Variants in GLIS1 observed in about 807,000 individuals in gnomAD.
GLIS1 encodes zinc finger protein GLIS1.
In GLIS1, 24 loss-of-function variants were observed where a neutral mutation model predicts 63.8. The ratio of observed to expected loss-of-function variants is 0.38; its 90% CI spans 0.27 to 0.53. GLIS1 has a LOEUF of 0.53. Among genes scored for constraint, GLIS1 ranks in the 20% least tolerant of loss-of-function variants. GLIS1 has a pLI of 0.85. For synonymous variants in GLIS1, 450 were observed against 482.5 expected, an observed-to-expected ratio of 0.93 and a Z score of 0.88; for missense variants, 1,036 against 1,074.1, an observed-to-expected ratio of 0.96 and a Z score of 0.50.
intron 4 of GLIS1, among the ~76,000 whole-genome samples, chr1:53,556,242 TGTGTGTGTGTGTGCAGGTGTACTGCAG>T (rs1557448529): frequency 2.3e-5 from 3 of 128,206 alleles, no homozygotes; most frequent in Admixed American, 7.8e-5. Flanking sequence ...GTACTGTAGG[TGTGTGTGTGTGTGCAGGTGTACTGCAG>T]GTGTGTGTGT....
intron 2 of GLIS1, among the ~76,000 whole-genome samples, chr1:53,622,149 C>T (rs533048873): frequency 2.6e-5 from 4 of 151,268 alleles, no homozygotes; most frequent in South Asian, 2.1e-4. Context: ...AAAGATATTC[C>T]GGGCACAGTG....
intron 2 of GLIS1, among the ~76,000 whole-genome samples, chr1:53,720,666 G>A (rs1040699265): frequency 6.6e-6 from 1 of 152,196 alleles, no homozygotes; most frequent in African/African-American, 2.4e-5. Context: ...GGGGGTGAAT[G>A]TTTGGGGTGA....
chr1:53,523,550 C>T (rs1287437891), intron 6 of GLIS1, among the ~76,000 whole-genome samples: 1 of 152,190 alleles, frequency 6.6e-6, no homozygotes, highest in Non-Finnish European at 1.5e-5. Context: ...CTCTGTCCTC[C>T]TCTGTCATGC....
intron 2 of GLIS1, among the ~76,000 whole-genome samples, chr1:53,716,801 G>A (rs1332582519): frequency 2.0e-5 from 3 of 152,036 alleles, no homozygotes; most frequent in Non-Finnish European, 4.4e-5. Context: ...GAAACCGGCA[G>A]TAGAGAAATT....
chr1:53,518,654 C>T (rs1465751183), intron 7 of GLIS1, among the ~76,000 whole-genome samples: 1 of 152,164 alleles, frequency 6.6e-6, no homozygotes, highest in Non-Finnish European at 1.5e-5. Flanking sequence ...AGAACAAGGG[C>T]AGTAGCTTCA....
chr1:53,666,657 A>G (rs144483203), intron 2 of GLIS1, among the ~76,000 whole-genome samples: 79 of 152,212 alleles, frequency 5.2e-4, no homozygotes, highest in African/African-American at 1.9e-3. Context: ...TTTCCCCAAA[A>G]CCACCAGAAA....
chr1:53,611,837 T>A lies in GLIS1; in HGVS notation c.260-11559A>T, dbSNP rs1033071216. On this transcript the variant is annotated intron_variant, in intron 2 of 10. Coordinates refer to ENST00000628545, the MANE Select transcript of GLIS1 (RefSeq NM_001367484.1). ...TTTATCAACTTCTTTTTTCTTTTTCTTCTTCCTCTTCTCAGAGACAGGGTC... is the reference window on the plus strand; with the variant it reads ...TTTATCAACTTCTTTTTTCTTTTTCATCTTCCTCTTCTCAGAGACAGGGTC... Among the ~76,000 whole-genome samples the A allele has an allele frequency of 2.6e-5, 4 of 152,178 alleles. No homozygotes were observed. The East Asian group carries it at 7.7e-4, about 29-fold the overall frequency.
intron 4 of GLIS1, 59 bp from the exon 5 acceptor site, chr1:53,530,011 G>A: frequency 1.3e-6 from 2 of 1,538,268 alleles, no homozygotes; most frequent in African/African-American, 1.4e-5. Flanking sequence ...ACCCTGCATG[G>A]AAACTAACCC....
rs925915135 is a variant in GLIS1, at chr1:53,598,013, C to T, written c.437+2088G>A. Among the ~76,000 whole-genome samples the T allele has an allele frequency of 1.3e-5, 2 of 152,176 alleles. No homozygotes were observed. The highest frequency in any genetic ancestry group is 1.3e-4 in the Admixed American group (2 of 15,288). The stretch of plus-strand genomic sequence containing the variant: ...AGGGAAATTGGGTACCACTGGGGAG[C>T]CTCCAGAGAAGAATCCAGCAGATAA... On this transcript the variant is annotated intron_variant, in intron 3 of 10. Coordinates refer to ENST00000628545, the MANE Select transcript of GLIS1 (RefSeq NM_001367484.1). The surrounding 1 kb of genome is among the most constrained non-coding windows in gnomAD (Gnocchi z 4.6).
chr1:53,530,550 G>C (rs1454752919), intron 4 of GLIS1, among the ~76,000 whole-genome samples: 1 of 152,206 alleles, frequency 6.6e-6, no homozygotes, highest in Non-Finnish European at 1.5e-5. Flanking sequence ...CAAGAGCCAC[G>C]TTTGTAAACT....
intron 10 of GLIS1, among the ~76,000 whole-genome samples, chr1:53,507,177 TC>T (rs1644243460): frequency 6.6e-6 from 1 of 152,060 alleles, no homozygotes. Flanking sequence ...TTCAGTTGTA[TC>T]CCCCAACCAG....
chr1:53,566,625 G>A (rs1000845259), intron 4 of GLIS1, among the ~76,000 whole-genome samples: 1 of 152,168 alleles, frequency 6.6e-6, no homozygotes, highest in Non-Finnish European at 1.5e-5. Flanking sequence ...TCGGGGGAAG[G>A]GCCTGGTGGG....
At chr1:53,595,908 T>C (rs1457575627) in intron 3 of GLIS1, among the ~76,000 whole-genome samples, 1 of 152,088 alleles carries the variant, frequency 6.6e-6, no homozygotes, top group Non-Finnish European at 1.5e-5. Flanking sequence ...CCTCACAATG[T>C]GACTGCATGA....
intron 7 of GLIS1, among the ~76,000 whole-genome samples, chr1:53,515,673 G>C (rs1031073243): frequency 2.6e-5 from 4 of 151,906 alleles, no homozygotes; most frequent in South Asian, 4.2e-4. Flanking sequence ...CCCAACTAGG[G>C]TTTGGAGTTA....
intron 2 of GLIS1, among the ~76,000 whole-genome samples, chr1:53,686,064 C>T (rs1489585415): frequency 2.0e-5 from 3 of 152,208 alleles, no homozygotes; most frequent in Non-Finnish European, 1.5e-5. Flanking sequence ...TCTCCACTCC[C>T]GCAGCCATGA....
At chr1:53,527,518 G>A (rs944466419) in intron 5 of GLIS1, among the ~76,000 whole-genome samples, 8 of 152,186 alleles carry the variant, frequency 5.3e-5, no homozygotes, top group Non-Finnish European at 1.0e-4. Flanking sequence ...GCTTTCCTCA[G>A]ACCTCCAGGA....
intron 2 of GLIS1, among the ~76,000 whole-genome samples, chr1:53,697,664 A>AG (rs1646480086): frequency 6.6e-6 from 1 of 151,732 alleles, no homozygotes; most frequent in South Asian, 2.1e-4. Context: ...CATCCATCAC[A>AG]CTCCTTCCAC....
chr1:53,551,091 C>A (rs952076327), intron 4 of GLIS1, among the ~76,000 whole-genome samples: 1 of 152,136 alleles, frequency 6.6e-6, no homozygotes, highest in Non-Finnish European at 1.5e-5. Flanking sequence ...AGGTAATCCG[C>A]CCACCTTGGC....
chr1:53,563,821 C>A lies in GLIS1; in HGVS notation c.1320+30287G>T, dbSNP rs149624264. Reference sequence around the variant, plus strand: ...GCAATAGACAGGAAACACAGACACCCATAAAAGAATGACGGAGACTGACAG... The same window carrying A: ...GCAATAGACAGGAAACACAGACACCAATAAAAGAATGACGGAGACTGACAG... On this transcript the variant is annotated intron_variant, in intron 4 of 10. Transcript: ENST00000628545. Among the ~76,000 whole-genome samples the A allele has an allele frequency of 5.0e-3, 763 of 152,264 alleles. 3 individuals carry two copies. The highest frequency in any genetic ancestry group is 9.0e-3 in the Non-Finnish European group (612 of 68,012).
Sources: allele counts gnomAD v4.1 joint callset (sites outside exome capture counted in the v4.1 genomes callset), GRCh38; gene constraint gnomAD v4.1.1; non-coding constraint Gnocchi (gnomAD v3.1); transcripts MANE v1.5; gene names NCBI Gene and HGNC (gene_info 2026-07-23, HGNC 2026-07-21).